The following MED12L variants were observed in gnomAD, a reference collection of about 807,000 sequenced individuals.
The protein encoded by MED12L is mediator complex subunit 12L.
Under a neutral mutation model 281.3 loss-of-function variants are expected in MED12L, and 60 were observed. That is an observed-to-expected ratio of 0.21 (90% CI 0.17 to 0.26). MED12L has a LOEUF of 0.26. Among genes scored for constraint, MED12L ranks in the 10% least tolerant of loss-of-function variants. The probability of loss-of-function intolerance (pLI) is 1.00; values close to 1 mark genes in which losing one functional copy is unlikely to be tolerated. For missense variants in MED12L, 2,146 were observed against 2,680.9 expected (o/e 0.80, Z 4.41); for synonymous variants, 974 against 987.2 (o/e 0.99, Z 0.25).
chr3:151,398,734 C>T (rs764048823), intron 39 of MED12L, among the ~76,000 whole-genome samples: 15 of 152,156 alleles, frequency 9.9e-5, no homozygotes, highest in Non-Finnish European at 1.9e-4. Flanking sequence ...TCCTATCACC[C>T]TGCTTATCCA....
chr3:151,400,031 T>C (rs1473548957), intron 39 of MED12L, among the ~76,000 whole-genome samples: 1 of 152,232 alleles, frequency 6.6e-6, no homozygotes, highest in Non-Finnish European at 1.5e-5. Flanking sequence ...TTTACCATGT[T>C]GGCCAGGCTG....
intron 16 of MED12L, chr3:151,294,146 G>T: frequency 3.0e-6 from 4 of 1,341,020 alleles, no homozygotes; most frequent in South Asian, 1.3e-5. Flanking sequence ...TGTACATATC[G>T]ATTCCAACAA....
rs189093169 is a variant in MED12L at position 151,288,173 on chromosome 3, A to G, written c.2251-61886A>G. On this transcript the variant is annotated intron_variant, in intron 16 of 44. Coordinates refer to ENST00000687756, the MANE Select transcript of MED12L (RefSeq NM_001393769.1). ...TTCAGGATATTTTCTTGTTGTCCCT[A>G]TGTTCAGTGGCTGGGACCATGAATG... is the stretch of plus-strand genomic sequence containing the variant. Among the ~76,000 whole-genome samples, 13 of 152,300 alleles carry G rather than the reference A, an allele frequency of 8.5e-5. No individual in the cohort carries two copies. The East Asian group carries it at 2.1e-3, about 25-fold the overall frequency.
chr3:151,411,228 G>A (rs948791675), intron 40 of MED12L, 50 bp from the exon 41 acceptor site: 2 of 1,514,296 alleles, frequency 1.3e-6, no homozygotes, highest in Admixed American at 1.7e-5. Flanking sequence ...TGATGGGAAA[G>A]CTAGGTGATA....
rs1382873210 is a variant in MED12L, at chr3:151,357,342, T to A, written c.2791T>A (p.Leu931Met). ...CAGGCGCTATCACAGTTGTCTAATC[T>A]TGAATCCTGATCAGACAGCCCAGGT... ...VLRRYHSCLI[L>M]NPDQTAQVFE... Residue 931 changes from leucine to methionine, a missense_variant, in exon 20 of 45, where the codon TTG becomes ATG. By Grantham distance (15) the Leu-to-Met change is conservative (BLOSUM62 2). Coordinates refer to ENST00000687756, the MANE Select transcript of MED12L (RefSeq NM_001393769.1). 6.2e-7 allele frequency: 1 copy of A among 1,613,358 alleles called. No individual in the cohort carries two copies. The highest frequency in any genetic ancestry group is 8.5e-7 in the Non-Finnish European group (1 of 1,179,652).
chr3:151,395,138 G>A (rs761292332), intron 39 of MED12L, among the ~76,000 whole-genome samples: 1 of 152,136 alleles, frequency 6.6e-6, no homozygotes, highest in Non-Finnish European at 1.5e-5. Context: ...TGGTCAATTA[G>A]AAGAAGCAGG....
intron 16 of MED12L, among the ~76,000 whole-genome samples, chr3:151,296,037 G>A (rs1745043806): frequency 6.6e-6 from 1 of 152,122 alleles, no homozygotes; most frequent in Non-Finnish European, 1.5e-5. Flanking sequence ...ATGTGTTTTT[G>A]TATAGTCTAA....
Position 151,433,508 on chromosome 3 carries a change from T to C in MED12L, c.*704T>C, listed in dbSNP as rs576392575. 6.6e-6 allele frequency: 1 copy of C among 152,628 alleles called. No individual in the cohort carries two copies. The highest frequency in any genetic ancestry group is 1.5e-5 in the Non-Finnish European group (1 of 68,048). 9.5% of individuals were successfully genotyped at this position (152,628 alleles called of 1,614,324 possible). On this transcript the variant is annotated 3_prime_UTR_variant, in exon 45 of 45. Coordinates refer to ENST00000687756, the MANE Select transcript of MED12L (RefSeq NM_001393769.1). ...CGCCCTAAGATGTGCGGAAACCTGT[T>C]AGAAGTAGCTGTACTCAAATTTGTT...
chr3:151,224,444 C>A (rs1730068905), intron 16 of MED12L, among the ~76,000 whole-genome samples: 1 of 150,894 alleles, frequency 6.6e-6, no homozygotes, highest in East Asian at 1.9e-4. Context: ...TAATGTTTAA[C>A]ACTTTTTTTT....
intron 16 of MED12L, chr3:151,198,265 A>C (rs930259607): frequency 3.7e-6 from 2 of 547,326 alleles, no homozygotes; most frequent in Admixed American, 7.1e-5. Flanking sequence ...CTTGACTTGC[A>C]TTTAGAAACA....
At position 151,411,475 on chromosome 3, in the gene MED12L, G is replaced by C. The variant is rs757492498; in HGVS notation, c.6108G>C (p.Ser2036=). Residue 2036 remains serine (S), a synonymous_variant, in exon 41 of 45, where the codon TCG becomes TCC. Transcript: ENST00000687756. The part of the protein sequence containing the change: ...QPSGYVQQQA[S]PYLQPLTGSQ... Reference sequence around the variant, plus strand: ...GTGGCTATGTTCAGCAGCAGGCCTCGCCGTACCTGCAGCCCCTGACTGGCT... The same window carrying C: ...GTGGCTATGTTCAGCAGCAGGCCTCCCCGTACCTGCAGCCCCTGACTGGCT... 1 of 1,614,072 alleles carries C rather than the reference G, an allele frequency of 6.2e-7. No individual in the cohort carries two copies.
At chr3:151,152,376 A>G (rs887992237) in intron 5 of MED12L, among the ~76,000 whole-genome samples, 5 of 152,130 alleles carry the variant, frequency 3.3e-5, no homozygotes, top group African/African-American at 1.2e-4. Context: ...TGTTGGGATT[A>G]CAGGTGTGAG....
chr3:151,289,971 C>G (rs13079391), intron 16 of MED12L, among the ~76,000 whole-genome samples: 1 of 151,642 alleles, frequency 6.6e-6, no homozygotes, highest in Non-Finnish European at 1.5e-5. Context: ...ACCTCCGCCT[C>G]CCAGGTTCAC....
At chr3:151,167,586 A>G (rs1428037550) in intron 11 of MED12L, among the ~76,000 whole-genome samples, 2 of 152,222 alleles carry the variant, frequency 1.3e-5, no homozygotes, top group African/African-American at 2.4e-5. Context: ...TCTCAAAGAT[A>G]TGGTTCAAGA....
chr3:151,400,570 TA>T (rs1715546710), intron 39 of MED12L, among the ~76,000 whole-genome samples: 2 of 152,194 alleles, frequency 1.3e-5, no homozygotes, highest in African/African-American at 4.8e-5. Flanking sequence ...ATCATTTGTG[TA>T]TCCAAATCAA....
In MED12L at chr3:151,214,201, A is replaced by T. The variant is rs200366854; in HGVS notation, c.2250+20535A>T. On this transcript the variant is annotated intron_variant, in intron 16 of 44. Transcript: ENST00000687756. ...GAATATCCATCCTGACACTCCATTG[A>T]GTAGGATTCCTGCAATGAAGACCAT... The T allele has an allele frequency of 2.2e-4, 349 of 1,613,908 alleles. 3 individuals carry two copies. In the Admixed American group the frequency reaches 5.1e-3, roughly 23 times the overall value.
intron 5 of MED12L, among the ~76,000 whole-genome samples, chr3:151,140,289 C>G (rs1415705570): frequency 6.6e-6 from 1 of 152,078 alleles, no homozygotes; most frequent in Non-Finnish European, 1.5e-5. Context: ...CCATTGTAAC[C>G]AACAATAAGT....
At chr3:151,357,158 TTTCTC>T in intron 19 of MED12L, 50 bp from the exon 20 acceptor site, 1 of 1,392,696 alleles carries the variant, frequency 7.2e-7, no homozygotes, top group Non-Finnish European at 9.8e-7. Context: ...AAATAAATGT[TTTCTC>T]TATTTGTTTT....
intron 16 of MED12L, among the ~76,000 whole-genome samples, chr3:151,341,909 A>G (rs961739840): frequency 2.6e-5 from 4 of 152,158 alleles, no homozygotes; most frequent in African/African-American, 4.8e-5. Flanking sequence ...ACATGAACTC[A>G]TCATTTTTTA....
Sources: allele counts gnomAD v4.1 joint callset (sites outside exome capture counted in the v4.1 genomes callset), GRCh38; gene constraint gnomAD v4.1.1; transcripts MANE v1.5; gene names NCBI Gene and HGNC (gene_info 2026-07-23, HGNC 2026-07-21).